Variants in ATP9B observed in about 807,000 individuals in gnomAD.
ATP9B encodes ATPase phospholipid transporting 9B.
In ATP9B, 110 loss-of-function variants were observed where a neutral mutation model predicts 146.1. The ratio of observed to expected loss-of-function variants is 0.75; its 90% CI spans 0.65 to 0.88. ATP9B has a LOEUF of 0.88. Among genes scored for constraint, ATP9B ranks in the 40% least tolerant of loss-of-function variants. ATP9B has a pLI of 0.00. For synonymous variants in ATP9B, 604 were observed against 569.7 expected, an observed-to-expected ratio of 1.06 and a Z score of -0.86; for missense variants, 1,499 against 1,496.4, an observed-to-expected ratio of 1.00 and a Z score of -0.03.
chr18:79,109,756 G>T (rs775109348), intron 2 of ATP9B, among the ~76,000 whole-genome samples: 1 of 151,968 alleles, frequency 6.6e-6, no homozygotes, highest in Non-Finnish European at 1.5e-5. Context: ...AGTAGAGACG[G>T]GGTTTTACCA....
chr18:79,208,826 G>A (rs1600494123), intron 10 of ATP9B, among the ~76,000 whole-genome samples: 1 of 152,120 alleles, frequency 6.6e-6, no homozygotes, highest in Non-Finnish European at 1.5e-5. Context: ...TTTCCATGAA[G>A]AGACTTCAGA....
chr18:79,285,049 T>G (rs1411628548), intron 13 of ATP9B, among the ~76,000 whole-genome samples: 1 of 151,902 alleles, frequency 6.6e-6, no homozygotes, highest in Admixed American at 6.6e-5. Context: ...GTTCCAAGTC[T>G]TTGCTATTGT....
At chr18:79,229,035 C>T (rs1300549342) in intron 11 of ATP9B, among the ~76,000 whole-genome samples, 1 of 152,148 alleles carries the variant, frequency 6.6e-6, no homozygotes, top group Middle Eastern at 3.4e-3. Flanking sequence ...TGTCTCAATA[C>T]AAGCAAACAA....
intron 10 of ATP9B, among the ~76,000 whole-genome samples, chr18:79,213,152 G>A (rs2095598995): frequency 1.3e-5 from 2 of 152,008 alleles, no homozygotes; most frequent in South Asian, 2.1e-4. Context: ...GTTGGTAATT[G>A]CACATTATGT....
At chr18:79,153,644 G>A (rs2094725345) in intron 6 of ATP9B, among the ~76,000 whole-genome samples, 1 of 135,996 alleles carries the variant, frequency 7.4e-6, no homozygotes, top group Admixed American at 7.3e-5. Context: ...GTTTTTTTCA[G>A]ACATAAAGCT....
intron 7 of ATP9B, among the ~76,000 whole-genome samples, chr18:79,154,904 AATTAT>A (rs1421155414): frequency 6.6e-6 from 1 of 152,218 alleles, no homozygotes; most frequent in East Asian, 1.9e-4. Context: ...TTAACATCTA[AATTAT>A]ATTTAATTGT....
At chr18:79,075,020 C>T (rs1446137606) in intron 1 of ATP9B, among the ~76,000 whole-genome samples, 1 of 151,300 alleles carries the variant, frequency 6.6e-6, no homozygotes, top group East Asian at 1.9e-4. Flanking sequence ...TGATTATTAC[C>T]TTTTAGTTAA....
At chr18:79,342,428 T>C (rs542375024) in intron 20 of ATP9B, 62 bp downstream of exon 20, 4 of 1,139,506 alleles carry the variant, frequency 3.5e-6, no homozygotes, top group East Asian at 2.4e-5. Flanking sequence ...ACGAAGCCTA[T>C]TGTTTTTGTC....
At chr18:79,168,006 GCA>G (rs1373622578) in intron 7 of ATP9B, among the ~76,000 whole-genome samples, 1 of 152,242 alleles carries the variant, frequency 6.6e-6, no homozygotes, top group East Asian at 1.9e-4. Context: ...AGGCATGTCA[GCA>G]CTGCCCTGAG....
chr18:79,320,201 C>T (rs571939679), intron 15 of ATP9B, among the ~76,000 whole-genome samples: 3 of 152,346 alleles, frequency 2.0e-5, no homozygotes, highest in South Asian at 4.2e-4. Flanking sequence ...GAGTCTACAT[C>T]GGTGAGCACA....
chr18:79,219,330 C>T (rs9783861), intron 11 of ATP9B, among the ~76,000 whole-genome samples: 10,597 of 150,974 alleles, frequency 0.07, 443 homozygotes, highest in Non-Finnish European at 0.095. Context: ...CAGAGCATGG[C>T]GGTGGCAGTG....
intron 7 of ATP9B, chr18:79,173,703 A>G: frequency 2.2e-6 from 1 of 456,022 alleles, no homozygotes; most frequent in East Asian, 6.9e-5. Context: ...CTTCTTCAGT[A>G]TCAAACAATC....
At chr18:79,128,681 A>G (rs1340233764) in intron 5 of ATP9B, among the ~76,000 whole-genome samples, 1 of 152,206 alleles carries the variant, frequency 6.6e-6, no homozygotes, top group Non-Finnish European at 1.5e-5. Context: ...GGGGCTAGGC[A>G]GAGATGTTTT....
intron 25 of ATP9B, among the ~76,000 whole-genome samples, chr18:79,355,587 G>T (rs2096946907): frequency 6.6e-6 from 1 of 152,156 alleles, no homozygotes; most frequent in Non-Finnish European, 1.5e-5. Flanking sequence ...AAAAAAAATG[G>T]ATCAGAGCCT....
rs747313316 is a variant in ATP9B, at chr18:79,345,571, C to G, written c.2616C>G (p.Ile872Met). 1.9e-6 allele frequency: 3 copies of G among 1,606,754 alleles called. No individual in the cohort carries two copies. The highest frequency in any genetic ancestry group is 1.7e-5 in the Admixed American group (1 of 59,996). Residue 872 changes from isoleucine to methionine, a missense_variant and splice_region_variant, in exon 22 of 30, where the codon ATC (isoleucine) becomes ATG (methionine). Transcript: ENST00000426216. ...QQHTGRRTCAIGDGGNDVSMI... is the reference protein window; with the variant it reads ...QQHTGRRTCAMGDGGNDVSMI... ...ACACAGGGAGACGCACCTGCGCCAT[C>G]GGTGAGAGCCGCCCACCCTGCTCAC...
chr18:79,285,441 G>A (rs1367825212), intron 13 of ATP9B, among the ~76,000 whole-genome samples: 1 of 152,192 alleles, frequency 6.6e-6, no homozygotes. Context: ...GCCTGTTCAT[G>A]TCCTTCGCCC....
chr18:79,183,989 T>C (rs1568353023), intron 8 of ATP9B, among the ~76,000 whole-genome samples: 1 of 152,198 alleles, frequency 6.6e-6, no homozygotes, highest in Non-Finnish European at 1.5e-5. Context: ...TTCTCCAATC[T>C]GTTTCTTAAC....
At chr18:79,220,122 T>C (rs1020833949) in intron 11 of ATP9B, among the ~76,000 whole-genome samples, 1 of 152,132 alleles carries the variant, frequency 6.6e-6, no homozygotes, top group African/African-American at 2.4e-5. Flanking sequence ...CCGGTCGTGA[T>C]GGTGGATGGC....
chr18:79,192,105 A>C (rs1209588113), intron 8 of ATP9B, among the ~76,000 whole-genome samples: 1 of 152,018 alleles, frequency 6.6e-6, no homozygotes, highest in Non-Finnish European at 1.5e-5. Flanking sequence ...TCAGAATGAG[A>C]TCATACACAG....
Sources: allele counts gnomAD v4.1 joint callset (sites outside exome capture counted in the v4.1 genomes callset), GRCh38; gene constraint gnomAD v4.1.1; transcripts MANE v1.5; gene names NCBI Gene and HGNC (gene_info 2026-07-23, HGNC 2026-07-21).